The following KIAA1549L variants were observed in gnomAD, a reference collection of about 807,000 sequenced individuals.
KIAA1549L encodes the protein KIAA1549 like, also known as UPF0606 protein KIAA1549L.
A neutral mutation model predicts 160.7 loss-of-function variants in KIAA1549L; 88 were observed. The ratio of observed to expected loss-of-function variants is 0.55; its 90% CI spans 0.46 to 0.65. KIAA1549L has a LOEUF of 0.65. Ranked by LOEUF, KIAA1549L falls within the 30% of genes least tolerant of loss-of-function variation. The probability of loss-of-function intolerance (pLI) is 0.00; values close to 1 mark genes in which losing one functional copy is unlikely to be tolerated. For missense variants in KIAA1549L, 2,258 were observed against 2,437.5 expected (o/e 0.93, Z 1.55); for synonymous variants, 950 against 976.7 (o/e 0.97, Z 0.51).
chr11:33,469,683 G>C (rs746184610), intron 1 of KIAA1549L, among the ~76,000 whole-genome samples: 7 of 152,148 alleles, frequency 4.6e-5, no homozygotes, highest in Non-Finnish European at 8.8e-5. Flanking sequence ...GTCAACACTT[G>C]TTATTGTGTC....
intron 1 of KIAA1549L, among the ~76,000 whole-genome samples, chr11:33,534,996 G>A (rs1208885370): frequency 6.6e-6 from 1 of 152,146 alleles, no homozygotes; most frequent in East Asian, 1.9e-4. Flanking sequence ...CATGAGTTGA[G>A]AGGCTGGACA....
At chr11:33,459,318 G>A (rs1851892505) in intron 1 of KIAA1549L, among the ~76,000 whole-genome samples, 1 of 152,136 alleles carries the variant, frequency 6.6e-6, no homozygotes, top group South Asian at 2.1e-4. Flanking sequence ...TGTGCATTTT[G>A]GGGAGGGGAG....
rs1455496682 is a variant in KIAA1549L, at chr11:33,543,442, C to A, written c.1879C>A (p.Pro627Thr). The A allele has an allele frequency of 6.2e-7, 1 of 1,613,950 alleles. No homozygotes were observed. Among genetic ancestry groups the A allele is most frequent in the Non-Finnish European group, 8.5e-7 (1 of 1,179,908 alleles). ...TNPLPSGPPL[P>T]SILSIQATQT... is the part of the protein sequence containing the mutation. ...TCCCCTTCCTTCAGGACCACCTCTACCTTCCATACTCTCCATACAAGCCAC... is the reference window on the plus strand; with the variant it reads ...TCCCCTTCCTTCAGGACCACCTCTAACTTCCATACTCTCCATACAAGCCAC... Residue 627 changes from proline to threonine, a missense_variant, in exon 2 of 21, where the codon CCT (proline) becomes ACT (threonine). Pro to Thr is a conservative substitution (Grantham distance 38, BLOSUM62 -1). Around this residue, in one of 6 missense-constraint regions of KIAA1549L, gnomAD observed 20 missense variants for 23.2 expected, o/e 0.86. Transcript: ENST00000658780.
At chr11:33,567,889 A>G (rs779771898) in intron 8 of KIAA1549L, among the ~76,000 whole-genome samples, 187 bp from the exon 9 acceptor site, 3 of 152,230 alleles carry the variant, frequency 2.0e-5, no homozygotes, top group Non-Finnish European at 4.4e-5. Flanking sequence ...TTCAGCATCT[A>G]TAACATGTGG....
chr11:33,544,126 G>A lies in KIAA1549L; in HGVS notation c.2563G>A (p.Gly855Ser). The part of the protein sequence containing the change: ...LLTSPGPTST[G>S]SLQEMLSDGT... ...AACCTCACCAGGACCAACTTCTACAGGTAGCTTGCAGGAAATGCTTTCAGA... is the reference window on the plus strand; with the variant it reads ...AACCTCACCAGGACCAACTTCTACAAGTAGCTTGCAGGAAATGCTTTCAGA... The change falls in exon 2 of 21, where the codon GGT becomes AGT. Residue 855 changes from glycine (G) to serine (S), a missense_variant. By Grantham distance (56) the Gly-to-Ser change is moderately conservative (BLOSUM62 0). Coordinates refer to ENST00000658780, the MANE Select transcript of KIAA1549L (RefSeq NM_012194.3). The A allele has an allele frequency of 1.2e-6, 2 of 1,613,976 alleles. No individual in the cohort carries two copies. Among genetic ancestry groups the A allele is most frequent in the Non-Finnish European group, 1.7e-6 (2 of 1,179,888 alleles).
At chr11:33,599,022 T>C (rs903367729) in intron 13 of KIAA1549L, 75 bp downstream of exon 13, 27 of 1,543,032 alleles carry the variant, frequency 1.7e-5, no homozygotes, top group Admixed American at 5.3e-5. Flanking sequence ...TGCACACGTG[T>C]GCACAAACTC....
chr11:33,427,271 G>A (rs1244182228), intron 1 of KIAA1549L, among the ~76,000 whole-genome samples: 2 of 152,036 alleles, frequency 1.3e-5, no homozygotes, highest in Non-Finnish European at 2.9e-5. Flanking sequence ...ATTTCCACAA[G>A]CCCTTACCAC....
chr11:33,665,103 T>C (rs58601121), intron 20 of KIAA1549L: 4,061 of 152,480 alleles, frequency 0.027, 90 homozygotes, highest in African/African-American at 0.062. Context: ...TGTACTGTTA[T>C]GGGATCTTTG....
intron 16 of KIAA1549L, among the ~76,000 whole-genome samples, chr11:33,634,188 A>G (rs1379582533): frequency 6.6e-6 from 1 of 152,072 alleles, no homozygotes; most frequent in Non-Finnish European, 1.5e-5. Flanking sequence ...GATTACAAGC[A>G]TGCACCACCA....
intron 16 of KIAA1549L, among the ~76,000 whole-genome samples, chr11:33,642,432 G>C (rs1564937270): frequency 6.6e-6 from 1 of 152,196 alleles, no homozygotes; most frequent in Non-Finnish European, 1.5e-5. Context: ...CTTATAGATG[G>C]AGCAATGGTG....
chr11:33,518,450 A>C (rs1371991026), intron 1 of KIAA1549L, among the ~76,000 whole-genome samples: 1 of 152,130 alleles, frequency 6.6e-6, no homozygotes, highest in Non-Finnish European at 1.5e-5. Flanking sequence ...CTATACATTA[A>C]CTTTCTCTTT....
At chr11:33,584,948 A>G (rs1275758729) in intron 11 of KIAA1549L, among the ~76,000 whole-genome samples, 1 of 152,186 alleles carries the variant, frequency 6.6e-6, no homozygotes, top group Non-Finnish European at 1.5e-5. Context: ...GGCCATGGAG[A>G]TCGTCCTTGC....
intron 1 of KIAA1549L, among the ~76,000 whole-genome samples, chr11:33,413,514 TTAGAG>T (rs1850825688): frequency 6.6e-6 from 1 of 152,006 alleles, no homozygotes; most frequent in African/African-American, 2.4e-5. Flanking sequence ...TTTGTTGGGT[TTAGAG>T]TAATTAACTC....
Position 33,561,751 on chromosome 11 carries a change from G to A in KIAA1549L, c.4078+16G>A. The A allele has an allele frequency of 6.4e-7, 1 of 1,558,570 alleles. No homozygotes were observed. Among genetic ancestry groups the A allele is most frequent in the South Asian group, 1.1e-5 (1 of 89,662 alleles). On this transcript the variant is annotated intron_variant, in intron 8 of 20. Coordinates refer to ENST00000658780, the MANE Select transcript of KIAA1549L (RefSeq NM_012194.3). Reference sequence around the variant, plus strand: ...GTAATTACAGGTAATCTCTTATTTTGTAATTTCCCCTCTTCATGCTGTCAG... The same window carrying A: ...GTAATTACAGGTAATCTCTTATTTTATAATTTCCCCTCTTCATGCTGTCAG...
intron 1 of KIAA1549L, among the ~76,000 whole-genome samples, chr11:33,536,546 C>G (rs1211278985): frequency 6.6e-6 from 1 of 152,112 alleles, no homozygotes; most frequent in Non-Finnish European, 1.5e-5. Context: ...TTCCAGGAGA[C>G]CAAGCTAAAG....
intron 1 of KIAA1549L, among the ~76,000 whole-genome samples, chr11:33,425,553 A>G (rs1358101103): frequency 2.6e-5 from 4 of 152,196 alleles, no homozygotes; most frequent in South Asian, 4.1e-4. Context: ...CTTGAGATAA[A>G]TATTCATGGG....
At chr11:33,472,491 G>A (rs1415711885) in intron 1 of KIAA1549L, among the ~76,000 whole-genome samples, 1 of 152,030 alleles carries the variant, frequency 6.6e-6, no homozygotes. Flanking sequence ...CTAGCCATAT[G>A]GCTGTACAAG....
chr11:33,555,313 T>C (rs1456241278), intron 6 of KIAA1549L, among the ~76,000 whole-genome samples: 1 of 152,200 alleles, frequency 6.6e-6, no homozygotes, highest in Non-Finnish European at 1.5e-5. Flanking sequence ...AAATTAGCCC[T>C]AAAATTCCCA....
chr11:33,395,241 G>A (rs1056819961), intron 1 of KIAA1549L, among the ~76,000 whole-genome samples: 1 of 152,188 alleles, frequency 6.6e-6, no homozygotes, highest in Non-Finnish European at 1.5e-5. Context: ...CACAGTAGGT[G>A]CTCAATAAGT....
Sources: allele counts gnomAD v4.1 joint callset (sites outside exome capture counted in the v4.1 genomes callset), GRCh38; gene constraint gnomAD v4.1.1; regional missense constraint gnomAD v4.1.1; transcripts MANE v1.5; gene names NCBI Gene and HGNC (gene_info 2026-07-23, HGNC 2026-07-21).